HDGF: variants seen among roughly 807,000 people sequenced by gnomAD.
HDGF encodes hepatoma-derived growth factor.
In HDGF, 5 loss-of-function variants were observed where a neutral mutation model predicts 30.0. That is an observed-to-expected ratio of 0.17 (90% CI 0.09 to 0.35). The LOEUF (loss-of-function observed/expected upper bound fraction) is 0.35. Among genes scored for constraint, HDGF ranks in the 10% least tolerant of loss-of-function variants. The probability of loss-of-function intolerance (pLI) is 1.00; values close to 1 mark genes in which losing one functional copy is unlikely to be tolerated. For synonymous variants in HDGF, 133 were observed against 112.7 expected (o/e 1.18, Z -1.14); for missense variants, 214 against 302.8 (o/e 0.71, Z 2.18).
chr1:156,749,439 T>C (rs1315184884), intron 1 of HDGF, among the ~76,000 whole-genome samples: 1 of 152,176 alleles, frequency 6.6e-6, no homozygotes, highest in Admixed American at 6.5e-5. Flanking sequence ...CAGCCTTGGG[T>C]GTAGCCATCC....
At chr1:156,749,776 C>A (rs1013591448) in intron 1 of HDGF, among the ~76,000 whole-genome samples, 1 of 129,834 alleles carries the variant, frequency 7.7e-6, no homozygotes, top group Non-Finnish European at 1.6e-5. Context: ...TTCCCTGCAA[C>A]CCACATTCCA....
Position 156,743,296 on chromosome 1 carries a change from ATGGGC to A in HDGF, c.*148_*152del. 1 of 804,532 alleles carries A rather than the reference ATGGGC, an allele frequency of 1.2e-6. No homozygotes were observed. The allele number at this position is 804,532 out of a possible 1,614,324, so 49.8% of individuals were successfully genotyped here. ...GCCTGCCCCATCCAGGTCAATCTCC[ATGGGC>A]TGGGCTTGGAGTGGGAAAAGTGAGT... is the stretch of plus-strand genomic sequence containing the variant. On this transcript the variant is annotated 3_prime_UTR_variant, in exon 6 of 6. Coordinates refer to ENST00000357325, the MANE Select transcript of HDGF (RefSeq NM_004494.3).
chr1:156,751,779 C>T (rs2102730609), upstream of HDGF: 2 of 1,187,924 alleles, frequency 1.7e-6, no homozygotes, highest in East Asian at 3.5e-5. The surrounding 1 kb of genome is among the most constrained non-coding windows in gnomAD (Gnocchi z 4.7). Flanking sequence ...CCTCCTCCCC[C>T]CGCCCCCCAA....
intron 3 of HDGF, 187 bp from the exon 4 acceptor site, chr1:156,744,535 C>T (rs961848130): frequency 1.3e-6 from 2 of 1,553,020 alleles, no homozygotes; most frequent in African/African-American, 2.7e-5. Flanking sequence ...AACCCACTGG[C>T]CGGGCAGGCA....
chr1:156,751,996 G>A (rs981951425), upstream of HDGF: 11 of 1,532,062 alleles, frequency 7.2e-6, no homozygotes, highest in Admixed American at 1.8e-4. This position sits in a 1 kb window ranked among gnomAD's most constrained non-coding sequence, Gnocchi z 4.7. Flanking sequence ...CCGGCTGGAC[G>A]GAGCGGCCCC....
intron 1 of HDGF, 71 bp from the exon 2 acceptor site, chr1:156,745,444 T>C: frequency 7.8e-7 from 1 of 1,275,508 alleles, no homozygotes; most frequent in Non-Finnish European, 1.1e-6. Context: ...GGTGCTGACC[T>C]CCAAGGCACA....
chr1:156,752,078 C>T, upstream of HDGF: 1 of 1,551,592 alleles, frequency 6.4e-7, no homozygotes, highest in Non-Finnish European at 8.7e-7. Flanking sequence ...CGTCTGTACA[C>T]GGTTTCCGCC....
chr1:156,762,599 G>A (rs6676656), intron 1 of HDGF, among the ~76,000 whole-genome samples: 8,874 of 151,756 alleles, frequency 0.058, 535 homozygotes, highest in African/African-American at 0.15. Flanking sequence ...GGCCAGGCGC[G>A]GTGGCTCATG....
chr1:156,747,873 C>T (rs1205680353), intron 1 of HDGF, among the ~76,000 whole-genome samples: 2 of 152,124 alleles, frequency 1.3e-5, no homozygotes, highest in African/African-American at 2.4e-5. Flanking sequence ...TCTCGTGCCA[C>T]CCCAGCTTCC....
intron 2 of HDGF, among the ~76,000 whole-genome samples, chr1:156,757,971 T>G (rs1651179645): frequency 6.6e-6 from 1 of 152,116 alleles, no homozygotes; most frequent in South Asian, 2.1e-4. Flanking sequence ...CAGTGGCTGT[T>G]GACTGGAGCT....
intron 5 of HDGF, 21 bp downstream of exon 5, chr1:156,743,631 G>A (rs1379794319): frequency 6.3e-7 from 1 of 1,588,634 alleles, no homozygotes; most frequent in South Asian, 1.1e-5. Flanking sequence ...CAGCTGCCAA[G>A]GGGTCAGGGG....
Position 156,743,265 on chromosome 1 carries a change from C to A in HDGF, c.*184G>T, listed in dbSNP as rs11556977. On this transcript the variant is annotated 3_prime_UTR_variant, in exon 6 of 6. Transcript: ENST00000357325. ...AGTATGGGGACCTAGAGGTGAGAGC[C>A]AGGTGGCCTGCCCCATCCAGGTCAA... 8.5e-4 allele frequency: 505 copies of A among 594,176 alleles called. 1 individual carries two copies. The highest frequency in any genetic ancestry group is 8.0e-3 in the African/African-American group (419 of 52,146). The allele number at this position is 594,176 out of a possible 1,614,324, so 36.8% of individuals were successfully genotyped here.
intron 1 of HDGF, 100 bp from the exon 2 acceptor site, chr1:156,745,473 G>A: frequency 3.1e-6 from 3 of 970,042 alleles, no homozygotes; most frequent in Non-Finnish European, 1.6e-6. Flanking sequence ...AAATCAGACT[G>A]AGAGGGACCC....
At chr1:156,764,187 G>A (rs1405200143) in intron 1 of HDGF, among the ~76,000 whole-genome samples, 1 of 151,716 alleles carries the variant, frequency 6.6e-6, no homozygotes, top group Non-Finnish European at 1.5e-5. Context: ...TTAAGTGCTG[G>A]GATTACAGGC....
chr1:156,761,082 T>TG (rs536282305), intron 1 of HDGF, among the ~76,000 whole-genome samples: 44 of 147,372 alleles, frequency 3.0e-4, no homozygotes, highest in Middle Eastern at 3.7e-3. Flanking sequence ...AAGTGGAGGT[T>TG]GGGGGGGATC....
intron 1 of HDGF, among the ~76,000 whole-genome samples, chr1:156,765,888 A>G (rs765027675): frequency 4.6e-5 from 7 of 152,162 alleles, no homozygotes; most frequent in African/African-American, 7.2e-5. Flanking sequence ...AGAAATCAAC[A>G]TTGTGCAAGG....
chr1:156,751,958 T>TGCCC (rs1326277637), upstream of HDGF: 12 of 1,341,818 alleles, frequency 8.9e-6, no homozygotes, highest in East Asian at 1.5e-4. This position sits in a 1 kb window ranked among gnomAD's most constrained non-coding sequence, Gnocchi z 4.7. Context: ...GGTCGGTGGG[T>TGCCC]GCCCGCCCGC....
At chr1:156,763,612 G>A (rs1651297531) in intron 1 of HDGF, among the ~76,000 whole-genome samples, 1 of 148,396 alleles carries the variant, frequency 6.7e-6, no homozygotes, top group Middle Eastern at 3.2e-3. Flanking sequence ...TTGAGACGGA[G>A]TCTTGCTCTG....
chr1:156,763,941 A>T lies in HDGF; in HGVS notation n.136+2849T>A, dbSNP rs12080504. Among the ~76,000 whole-genome samples, 3 of 152,028 alleles carry T rather than the reference A, an allele frequency of 2.0e-5. 1 individual carries two copies. The highest frequency in any genetic ancestry group is 7.3e-5 in the African/African-American group (3 of 41,352). On this transcript the variant is annotated intron_variant and non_coding_transcript_variant, in intron 1 of 7. Coordinates refer to the HDGF transcript ENST00000465180. ...GAGACAGGGTCATGCTCTGTCACCC[A>T]GGCTGGAGTGCAGTGGTGCGATCTC...
Sources: allele counts gnomAD v4.1 joint callset (sites outside exome capture counted in the v4.1 genomes callset), GRCh38; gene constraint gnomAD v4.1.1; non-coding constraint Gnocchi (gnomAD v3.1); transcripts MANE v1.5; gene names NCBI Gene and HGNC (gene_info 2026-07-23, HGNC 2026-07-21).